The following LPP variants were observed in gnomAD, a reference collection of about 807,000 sequenced individuals.
LPP encodes LIM domain containing preferred translocation partner in lipoma, also known as lipoma-preferred partner.
LPP carries 38 observed loss-of-function variants against 60.4 expected under a neutral mutation model. The ratio of observed to expected loss-of-function variants is 0.63; its 90% CI spans 0.49 to 0.83. LPP has a LOEUF of 0.83. LPP is among the 40% of genes least tolerant of loss of function. The pLI is 0.00. For missense variants in LPP, 902 were observed against 783.6 expected (o/e 1.15, Z -1.80); for synonymous variants, 328 against 290.8 (o/e 1.13, Z -1.30).
At chr3:188,760,439 T>TGTGC (rs55988915) in intron 9 of LPP, among the ~76,000 whole-genome samples, 157 bp downstream of exon 9, 7 of 150,040 alleles carry the variant, frequency 4.7e-5, no homozygotes, top group African/African-American at 1.0e-4. Flanking sequence ...TGTGTGTGCG[T>TGTGC]GCGCGCATGT....
intron 6 of LPP, among the ~76,000 whole-genome samples, chr3:188,571,678 C>T (rs1053773153): frequency 1.3e-5 from 2 of 152,072 alleles, no homozygotes; most frequent in African/African-American, 2.4e-5. Flanking sequence ...AGCGTATTTG[C>T]TAAGAGCAGC....
At chr3:188,485,428 T>A (rs1806080607) in intron 5 of LPP, among the ~76,000 whole-genome samples, 1 of 152,212 alleles carries the variant, frequency 6.6e-6, no homozygotes, top group Admixed American at 6.5e-5. Flanking sequence ...TAGGTGTGAC[T>A]ATGTTCGCAT....
At chr3:188,581,728 C>T (rs2150988715) in intron 6 of LPP, among the ~76,000 whole-genome samples, 1 of 152,230 alleles carries the variant, frequency 6.6e-6, no homozygotes, top group East Asian at 1.9e-4. Flanking sequence ...CTCTATTTTA[C>T]CTCCTAAATC....
At chr3:188,844,449 A>G (rs1760928899) in intron 9 of LPP, among the ~76,000 whole-genome samples, 1 of 152,224 alleles carries the variant, frequency 6.6e-6, no homozygotes, top group African/African-American at 2.4e-5. Context: ...TTCATTTTCA[A>G]TACAAACTGC....
chr3:188,546,554 T>C (rs1304975468), intron 6 of LPP, among the ~76,000 whole-genome samples: 1 of 152,178 alleles, frequency 6.6e-6, no homozygotes, highest in Admixed American at 6.5e-5. Context: ...TTGGCCTTAA[T>C]GATTTTGCCT....
intron 9 of LPP, among the ~76,000 whole-genome samples, chr3:188,805,495 C>A (rs1198809015): frequency 6.7e-6 from 1 of 149,884 alleles, no homozygotes; most frequent in African/African-American, 2.4e-5. Flanking sequence ...TTTTTTTCTT[C>A]TTGGTAAGTC....
intron 2 of LPP, among the ~76,000 whole-genome samples, chr3:188,302,673 A>G (rs934214606): frequency 8.5e-5 from 13 of 152,234 alleles, no homozygotes; most frequent in Non-Finnish European, 1.8e-4. Flanking sequence ...GAAGCAAACA[A>G]ACCAATGAAA....
intron 1 of LPP, among the ~76,000 whole-genome samples, chr3:188,170,729 G>C (rs1721364835): frequency 6.6e-6 from 1 of 151,996 alleles, no homozygotes; most frequent in African/African-American, 2.4e-5. Context: ...CTTCCCCCCA[G>C]CTTCTCTTAT....
intron 9 of LPP, among the ~76,000 whole-genome samples, chr3:188,835,538 G>A (rs946536269): frequency 2.0e-5 from 3 of 151,876 alleles, no homozygotes; most frequent in Non-Finnish European, 4.4e-5. Context: ...AGAATCACTC[G>A]AACCCGGGAG....
chr3:188,825,269 CTGTGTGTGTGTGTGTG>C (rs3057956), intron 9 of LPP, among the ~76,000 whole-genome samples: 33 of 101,758 alleles, frequency 3.2e-4, no homozygotes, highest in African/African-American at 4.7e-4. Flanking sequence ...CTCTCTCTCT[CTGTGTGTGTGTGTGTG>C]TGTGTGTGTG....
chr3:188,168,019 G>A (rs1055182010), intron 1 of LPP, among the ~76,000 whole-genome samples: 2 of 152,298 alleles, frequency 1.3e-5, no homozygotes, highest in East Asian at 3.8e-4. Context: ...ATTGTCATAT[G>A]ACAATATTTA....
At position 188,687,775 on chromosome 3, in the gene LPP, C is replaced by CTTTTTTT. The variant is rs61574227; in HGVS notation, c.1114-20481_1114-20475dup. 1.4e-3 allele frequency among the ~76,000 whole-genome samples: 175 copies of CTTTTTTT among 127,116 alleles called. 2 individuals carry two copies. The highest frequency in any genetic ancestry group is 4.6e-3 in the African/African-American group (155 of 33,854). The allele number at this position is 127,116 out of a possible 152,430, so 83.4% of individuals were successfully genotyped here. On this transcript the variant is annotated intron_variant, in intron 7 of 11. Transcript: ENST00000617246. ...CCTGTCTAACCAGCTGTCTTATACT[C>CTTTTTTT]TTTTTTTTTTTTTTTTTGAGATGAA... is the stretch of plus-strand genomic sequence containing the variant.
chr3:188,757,196 A>C (rs1198348186), intron 8 of LPP, among the ~76,000 whole-genome samples: 5 of 151,364 alleles, frequency 3.3e-5, no homozygotes, highest in South Asian at 4.2e-4. Flanking sequence ...TATTGCATGT[A>C]GGTTGTCTTG....
chr3:188,176,429 A>C (rs1318611866), intron 1 of LPP, among the ~76,000 whole-genome samples: 1 of 152,220 alleles, frequency 6.6e-6, no homozygotes, highest in Non-Finnish European at 1.5e-5. Context: ...TAGAGTCAAA[A>C]TCAGGCACCC....
chr3:188,869,469 T>C (rs1317725184), intron 10 of LPP, among the ~76,000 whole-genome samples: 1 of 152,116 alleles, frequency 6.6e-6, no homozygotes, highest in East Asian at 1.9e-4. Context: ...TTTTATATTT[T>C]TAGTACAGAC....
chr3:188,220,326 G>A (rs1039030853), intron 1 of LPP, among the ~76,000 whole-genome samples: 1 of 152,040 alleles, frequency 6.6e-6, no homozygotes, highest in Non-Finnish European at 1.5e-5. Context: ...ATTGTTACCT[G>A]TGCTTCTTCT....
intron 5 of LPP, among the ~76,000 whole-genome samples, chr3:188,494,800 C>T (rs1809450682): frequency 6.6e-6 from 1 of 151,988 alleles, no homozygotes; most frequent in Admixed American, 6.6e-5. Context: ...TAACGTGCTG[C>T]TCAACCTTTC....
chr3:188,375,585 G>T (rs1578432679), intron 3 of LPP, among the ~76,000 whole-genome samples: 1 of 151,968 alleles, frequency 6.6e-6, no homozygotes, highest in East Asian at 1.9e-4. Flanking sequence ...GCGTCTATTT[G>T]ATTCTTCTCT....
At chr3:188,520,723 C>T (rs976509184) in intron 5 of LPP, among the ~76,000 whole-genome samples, 1 of 152,168 alleles carries the variant, frequency 6.6e-6, no homozygotes, top group African/African-American at 2.4e-5. Flanking sequence ...ACGATGTAAT[C>T]TTTGAAATCT....
Sources: gnomAD v4.1 joint callset for allele counts (sites outside exome capture counted in the v4.1 genomes callset) on GRCh38, gnomAD v4.1.1 for gene constraint, MANE v1.5 for transcripts, NCBI Gene and HGNC (gene_info 2026-07-23, HGNC 2026-07-21) for gene names.